Variants in PLCD1 observed in about 807,000 individuals in gnomAD.
PLCD1 encodes phospholipase C delta 1.
Under a neutral mutation model 87.4 loss-of-function variants are expected in PLCD1, and 71 were observed. The observed-to-expected ratio is 0.81, with a 90% CI of 0.67 to 0.99. PLCD1 has a LOEUF of 0.99. PLCD1 is among the 50% of genes least tolerant of loss of function. The pLI is 0.00. For synonymous variants in PLCD1, 348 were observed against 399.2 expected (o/e 0.87, Z 1.53); for missense variants, 867 against 1,001.5 (o/e 0.87, Z 1.81).
chr3:38,029,421 T>TG (rs1476314728), intron 1 of PLCD1, 85 bp downstream of exon 1: 4 of 1,253,132 alleles, frequency 3.2e-6, no homozygotes, highest in African/African-American at 3.0e-5. Flanking sequence ...CCGAAGGAGC[T>TG]GGGGGCTCCC....
rs1050869 is a variant in PLCD1 at position 38,008,588 on chromosome 3, C to G, written c.1772G>C (p.Gly591Ala). The change falls in exon 12 of 15, where the codon GGC becomes GCC. Residue 591 changes from glycine (G) to alanine (A), a missense_variant. Gly to Ala is a moderately conservative substitution (Grantham distance 60). Transcript: ENST00000334661. Reference sequence around the variant, plus strand: ...ACAGGCCCCGTTGTCCTGGAAGCGGCCCTGGTACACGTCCATCTCTGGCCC... The same window carrying G: ...ACAGGCCCCGTTGTCCTGGAAGCGGGCCTGGTACACGTCCATCTCTGGCCC... Reference protein sequence around the residue: ...TPGPEMDVYQGRFQDNGACGY... With the variant: ...TPGPEMDVYQARFQDNGACGY... 4.3e-6 allele frequency: 7 copies of G among 1,614,176 alleles called. No homozygotes were observed. Among genetic ancestry groups the G allele is most frequent in the Non-Finnish European group, 4.2e-6 (5 of 1,179,994 alleles).
intron 1 of PLCD1, chr3:38,024,558 A>G: frequency 1.3e-6 from 2 of 1,509,106 alleles, no homozygotes; most frequent in Non-Finnish European, 8.9e-7. Flanking sequence ...GGAGGGGAGC[A>G]GGGGCGGAGT....
At chr3:38,020,071 C>A in intron 2 of PLCD1, 117 bp downstream of exon 2, 1 of 958,710 alleles carries the variant, frequency 1.0e-6, no homozygotes, top group Non-Finnish European at 1.7e-6. Context: ...TATGCCCCAC[C>A]AGGCCAGGCC....
chr3:38,019,281 C>A (rs765370491), intron 2 of PLCD1, among the ~76,000 whole-genome samples: 1 of 152,198 alleles, frequency 6.6e-6, no homozygotes, highest in Non-Finnish European at 1.5e-5. Context: ...AGCCACTAGC[C>A]ACCTGGGGCT....
Position 38,009,145 on chromosome 3 carries a change from G to C in PLCD1, c.1620C>G (p.Val540=), listed in dbSNP as rs1324521994. ...RLLQESGNGF[V]RHNVGHLSRI... ...TGCTCAGGTGCCCCACGTTGTGGCG[G>C]ACAAAGCCGTTTCCTGAGGGGAGGT... is the stretch of plus-strand genomic sequence containing the variant. Residue 540 remains valine (V), a synonymous_variant, in exon 11 of 15, where the codon GTC becomes GTG. Coordinates refer to ENST00000334661, the MANE Select transcript of PLCD1 (RefSeq NM_006225.4). The C allele has an allele frequency of 6.2e-7, 1 of 1,614,170 alleles. No individual in the cohort carries two copies. Among genetic ancestry groups the C allele is most frequent in the South Asian group, 1.1e-5 (1 of 91,076 alleles).
Position 38,008,535 on chromosome 3 carries a change from G to C in PLCD1, c.1825C>G (p.Arg609Gly), listed in dbSNP as rs139380872. 1 of 1,614,058 alleles carries C rather than the reference G, an allele frequency of 6.2e-7. No homozygotes were observed. The highest frequency in any genetic ancestry group is 8.5e-7 in the Non-Finnish European group (1 of 1,180,018). Residue 609 changes from arginine to glycine, a missense_variant, in exon 12 of 15, where the codon CGA (arginine) becomes GGA (glycine). Transcript: ENST00000334661. ...CGYVLKPAFL[R>G]DPNGTFNPRA... ...GGGTTAAAGGTGCCGTTGGGGTCTC[G>C]CAGGAAGGCGGGCTTCAGCACGTAC... is the stretch of plus-strand genomic sequence containing the variant.
At chr3:38,028,955 C>G (rs996796366) in intron 1 of PLCD1, among the ~76,000 whole-genome samples, 2 of 152,246 alleles carry the variant, frequency 1.3e-5, no homozygotes, top group African/African-American at 2.4e-5. Context: ...GCCTGAGCAT[C>G]GCTGACTATT....
rs758752846 is a variant in PLCD1 at position 38,020,237 on chromosome 3, G to T, written c.150C>A (p.Thr50=). 2.5e-6 allele frequency: 4 copies of T among 1,613,868 alleles called. No homozygotes were observed. Among genetic ancestry groups the T allele is most frequent in the Admixed American group, 3.3e-5 (2 of 60,004 alleles). Residue 50 remains threonine, a synonymous_variant, in exon 2 of 15, where the codon ACC becomes ACA. Transcript: ENST00000334661. ...RFYKLQEDCK[T]IWQESRKVMR... is the part of the protein sequence containing the mutation. ...TGACCTTGCGGGACTCCTGCCAGAT[G>T]GTCTTGCAGTCCTCCTGCAACTTGT...
In PLCD1 at chr3:38,011,362, G is replaced by A. The variant is rs577077909; in HGVS notation, c.642C>T (p.Ile214=). The A allele has an allele frequency of 1.9e-5, 31 of 1,613,050 alleles. No individual in the cohort carries two copies. The highest frequency in any genetic ancestry group is 1.1e-4 in the South Asian group (10 of 91,036). The change falls in exon 5 of 15, where the codon ATC becomes ATT. Residue 214 remains isoleucine (I), a synonymous_variant. Coordinates refer to ENST00000334661, the MANE Select transcript of PLCD1 (RefSeq NM_006225.4). ...CCGCGGCCTCGGCGAAGGTGCGGTC[G>A]ATCTCCACCCGCTGGGTCAGCATCT... ...FYKMLTQRVE[I]DRTFAEAAGS...
rs1245697207 is a variant in PLCD1, at chr3:38,029,609, G to A, written c.-70C>T. On this transcript the variant is annotated 5_prime_UTR_variant, in exon 1 of 15. Coordinates refer to ENST00000334661, the MANE Select transcript of PLCD1 (RefSeq NM_006225.4). ...GAGTAGCGACAGCACCGGCGGCCTGGGGTCCGAGCGGAGTGCGGTGCAGGG... is the reference window on the plus strand; with the variant it reads ...GAGTAGCGACAGCACCGGCGGCCTGAGGTCCGAGCGGAGTGCGGTGCAGGG... The A allele has an allele frequency of 6.9e-7, 1 of 1,452,780 alleles. No homozygotes were observed. Among genetic ancestry groups the A allele is most frequent in the Admixed American group, 2.0e-5 (1 of 50,566 alleles). The allele number at this position is 1,452,780 out of a possible 1,614,324, so 90.0% of individuals were successfully genotyped here.
chr3:38,026,633 T>C (rs1263271010), intron 1 of PLCD1, among the ~76,000 whole-genome samples: 1 of 151,014 alleles, frequency 6.6e-6, no homozygotes, highest in Non-Finnish European at 1.5e-5. Flanking sequence ...TGTGGATCAG[T>C]GTGTGCCTGT....
At chr3:38,019,569 T>G (rs1433775514) in intron 2 of PLCD1, among the ~76,000 whole-genome samples, 1 of 152,132 alleles carries the variant, frequency 6.6e-6, no homozygotes. Context: ...GAGCAGAGCT[T>G]TCTTCTCCCT....
chr3:38,015,237 T>C (rs1218128950), intron 3 of PLCD1, among the ~76,000 whole-genome samples: 4 of 151,444 alleles, frequency 2.6e-5, no homozygotes, highest in African/African-American at 9.8e-5. Flanking sequence ...ATCCATACAG[T>C]AGCATATTAC....
chr3:38,015,977 T>C (rs1342682190), intron 3 of PLCD1, among the ~76,000 whole-genome samples: 2 of 152,160 alleles, frequency 1.3e-5, no homozygotes, highest in Non-Finnish European at 2.9e-5. Context: ...AGCAGAGCTA[T>C]TTGGGCTCTG....
intron 5 of PLCD1, 137 bp from the exon 6 acceptor site, chr3:38,010,699 T>A: frequency 1.4e-6 from 1 of 699,714 alleles, no homozygotes; most frequent in Non-Finnish European, 2.4e-6. Flanking sequence ...CTCTTGGAAT[T>A]AGGATAAGTC....
Position 38,007,669 on chromosome 3 carries a change from C to T in PLCD1, c.*104G>A, listed in dbSNP as rs1416714641. 7.9e-6 allele frequency: 7 copies of T among 880,642 alleles called. No homozygotes were observed. Among genetic ancestry groups the T allele is most frequent in the Non-Finnish European group, 1.1e-5 (6 of 530,326 alleles). 54.6% of individuals were successfully genotyped at this position (880,642 alleles called of 1,614,324 possible). A position where few individuals can be genotyped will look rare whatever the true frequency, so the allele number is the denominator to read the frequency against. On this transcript the variant is annotated 3_prime_UTR_variant, in exon 15 of 15. Coordinates refer to ENST00000334661, the MANE Select transcript of PLCD1 (RefSeq NM_006225.4). ...GTTAGGGCTGAAGGCAATTTGGGGG[C>T]CTAGCTCTGAGCAAGAGGCTGGGAG... is the stretch of plus-strand genomic sequence containing the variant.
intron 1 of PLCD1, among the ~76,000 whole-genome samples, chr3:38,021,951 C>T (rs1374987429): frequency 6.6e-6 from 1 of 152,226 alleles, no homozygotes; most frequent in Admixed American, 6.5e-5. Flanking sequence ...CTTCCCCAGG[C>T]TTCAGTTGCT....
chr3:38,029,376 G>T, intron 1 of PLCD1, 130 bp downstream of exon 1: 1 of 811,044 alleles, frequency 1.2e-6, no homozygotes, highest in East Asian at 2.7e-5. Flanking sequence ...CCGGAGAAGG[G>T]GCAGAGAGGC....
At position 38,024,609 on chromosome 3, in the gene PLCD1, C is replaced by T. The variant is rs548130815; in HGVS notation, c.35-4257G>A. On this transcript the variant is annotated intron_variant, in intron 1 of 14. Transcript: ENST00000334661. ...AGGAGCTAGAGTTCGAGAGGAGGGG[C>T]GCACTTCGGAGGGGCGGGACGAGAG... The T allele has an allele frequency of 5.2e-4, 790 of 1,513,196 alleles. 11 individuals carry two copies. In the South Asian group the frequency reaches 9.0e-3, roughly 17 times the overall value. The allele number at this position is 1,513,196 out of a possible 1,614,324, so 93.7% of individuals were successfully genotyped here.
Sources: gnomAD v4.1 joint callset for allele counts (sites outside exome capture counted in the v4.1 genomes callset) on GRCh38, gnomAD v4.1.1 for gene constraint, MANE v1.5 for transcripts, NCBI Gene and HGNC (gene_info 2026-07-23, HGNC 2026-07-21) for gene names.